PYY: variants seen among roughly 807,000 people sequenced by gnomAD.
The protein encoded by PYY is peptide tyrosine tyrosine.
A neutral mutation model predicts 10.3 loss-of-function variants in PYY; 12 were observed. The observed-to-expected ratio is 1.17, with a 90% CI of 0.75 to 1.89. The LOEUF (loss-of-function observed/expected upper bound fraction) is 1.89. Among genes scored for constraint, PYY ranks in the 40% most tolerant of loss-of-function variants. The probability of loss-of-function intolerance (pLI) is 0.00; values close to 1 mark genes in which losing one functional copy is unlikely to be tolerated. For missense variants in PYY, 141 were observed against 134.0 expected, an observed-to-expected ratio of 1.05 and a Z score of -0.26; for synonymous variants, 66 against 62.0, an observed-to-expected ratio of 1.06 and a Z score of -0.30.
chr17:43,977,312 G>A (rs2048855686), intron 1 of PYY, among the ~76,000 whole-genome samples: 1 of 152,250 alleles, frequency 6.6e-6, no homozygotes, highest in African/African-American at 2.4e-5. Flanking sequence ...TCAGAGAGGA[G>A]GGTGGAAGGT....
rs930435730 is a variant in PYY at position 43,953,151 on chromosome 17, T to C, written c.227A>G (p.Lys76Arg). 1 of 1,613,854 alleles carries C rather than the reference T, an allele frequency of 6.2e-7. No homozygotes were observed. Among genetic ancestry groups the C allele is most frequent in the Non-Finnish European group, 8.5e-7 (1 of 1,179,886 alleles). The stretch of plus-strand genomic sequence containing the variant: ...GTCCTCGCCGTCGGGGAAGAACGTT[T>C]TGGAAAGAAGCGTGTCCGGGCCGTC... Reference protein sequence around the residue: ...KRDGPDTLLSKTFFPDGEDRP... With the variant: ...KRDGPDTLLSRTFFPDGEDRP... The change falls in exon 3 of 4, where the codon AAA (lysine) becomes AGA (arginine). Residue 76 changes from lysine to arginine, a missense_variant. By Grantham distance (26) the Lys-to-Arg change is conservative. Transcript: ENST00000692052.
In PYY at chr17:43,974,152, C is replaced by T. The variant is rs1316935590; in HGVS notation, c.-462-7620G>A. On this transcript the variant is annotated intron_variant, in intron 1 of 6. Coordinates refer to the PYY transcript ENST00000360085. ...TTATATCATTTGCTTATTATATCTA[C>T]ATTGCCATTTACATGGGATAAAGGT... Among the ~76,000 whole-genome samples the T allele has an allele frequency of 3.3e-5, 5 of 152,178 alleles. No individual in the cohort carries two copies. The East Asian group carries it at 5.8e-4, about 18-fold the overall frequency.
At chr17:43,988,685 G>C (rs1030925966) in intron 1 of PYY, among the ~76,000 whole-genome samples, 1 of 151,846 alleles carries the variant, frequency 6.6e-6, no homozygotes, top group African/African-American at 2.4e-5. Flanking sequence ...ACACAAAGTA[G>C]AACTCAATAA....
At chr17:43,965,879 A>AT (rs1337818304) in intron 2 of PYY, among the ~76,000 whole-genome samples, 1 of 147,692 alleles carries the variant, frequency 6.8e-6, no homozygotes, top group Non-Finnish European at 1.5e-5. Context: ...ACAAAAAATG[A>AT]TTTTTTCCTG....
intron 1 of PYY, among the ~76,000 whole-genome samples, chr17:43,989,996 CT>C (rs1282880987): frequency 1.3e-5 from 2 of 149,408 alleles, no homozygotes; most frequent in African/African-American, 4.9e-5. Flanking sequence ...ACATTGGCAA[CT>C]AAAAAAGGCA....
intron 1 of PYY, among the ~76,000 whole-genome samples, chr17:43,980,492 T>TG (rs2048877217): frequency 6.6e-6 from 1 of 151,370 alleles, no homozygotes; most frequent in Admixed American, 6.6e-5. Context: ...TTGTTTTTTT[T>TG]GAGACAGGGT....
chr17:43,990,895 G>A (rs960284595), intron 1 of PYY, among the ~76,000 whole-genome samples: 6 of 147,840 alleles, frequency 4.1e-5, no homozygotes, highest in African/African-American at 1.5e-4. Flanking sequence ...CCGGGTTCAC[G>A]CCATTCTCCT....
upstream of PYY, among the ~76,000 whole-genome samples, chr17:43,957,345 A>G (rs755404272): frequency 6.6e-6 from 1 of 152,060 alleles, no homozygotes; most frequent in Non-Finnish European, 1.5e-5. Context: ...TTCTAGTGAC[A>G]GGAAATAGAA....
intron 1 of PYY, among the ~76,000 whole-genome samples, chr17:43,980,518 A>G (rs1406516354): frequency 6.6e-6 from 1 of 151,756 alleles, no homozygotes; most frequent in Non-Finnish European, 1.5e-5. Context: ...TCTGTCACCC[A>G]GGCTGGAGCG....
rs929591360 is a variant in PYY, at chr17:43,953,266, C to T, written c.188+30G>A. 5.6e-6 allele frequency: 9 copies of T among 1,607,766 alleles called. No individual in the cohort carries two copies. The African/African-American group carries it at 1.1e-4, about 19-fold the overall frequency. The stretch of plus-strand genomic sequence containing the variant: ...GGAGCGGGGCCGCAGGGTGAGAGCC[C>T]CAGGGGTCCCGCTCCGCGCCTGCGC... On this transcript the variant is annotated intron_variant, in intron 2 of 3. Coordinates refer to ENST00000692052, the MANE Select transcript of PYY (RefSeq NM_001394028.1).
At chr17:43,984,699 G>A (rs564372370) in intron 1 of PYY, among the ~76,000 whole-genome samples, 23 of 152,306 alleles carry the variant, frequency 1.5e-4, no homozygotes, top group African/African-American at 5.3e-4. Context: ...ATAAAGGGAC[G>A]CAGCCTGGAA....
At chr17:43,963,570 A>AAAAGAAAGAAAGAAAGAAAGAAAGAAAG (rs1162426873) in intron 2 of PYY, among the ~76,000 whole-genome samples, 13 of 104,648 alleles carry the variant, frequency 1.2e-4, no homozygotes, top group East Asian at 7.0e-4. Context: ...GGAAGGAAGG[A>AAAAGAAAGAAAGAAAGAAAGAAAGAAAG]AAAGAAAGAA....
chr17:43,982,345 A>AGT (rs2048888956), intron 1 of PYY, among the ~76,000 whole-genome samples: 1 of 152,246 alleles, frequency 6.6e-6, no homozygotes, highest in African/African-American at 2.4e-5. Context: ...TGAGTCAGTG[A>AGT]GTGTGCTTCC....
At chr17:43,994,573 T>C (rs578038716) in intron 1 of PYY, among the ~76,000 whole-genome samples, 1 of 152,284 alleles carries the variant, frequency 6.6e-6, no homozygotes, top group East Asian at 1.9e-4. Context: ...AGGCTAGGAC[T>C]CGAACCTCGC....
rs371822760 is a variant in PYY at position 43,983,438 on chromosome 17, A to C, written c.-462-16906T>G. On this transcript the variant is annotated intron_variant, in intron 1 of 6. Transcript: ENST00000360085. Reference sequence around the variant, plus strand: ...CTGGGGCCTGCTCAGTGCCCCAAAGACCCAGTCCTGCTGAGAACGGGAAGC... The same window carrying C: ...CTGGGGCCTGCTCAGTGCCCCAAAGCCCCAGTCCTGCTGAGAACGGGAAGC... Among the ~76,000 whole-genome samples the C allele has an allele frequency of 1.2e-4, 19 of 152,212 alleles. 1 individual carries two copies. The highest frequency in any genetic ancestry group is 4.6e-4 in the African/African-American group (19 of 41,550).
At chr17:43,981,522 C>T (rs1280395576) in intron 1 of PYY, among the ~76,000 whole-genome samples, 1 of 152,008 alleles carries the variant, frequency 6.6e-6, no homozygotes, top group East Asian at 1.9e-4. Flanking sequence ...GACAGTCTCA[C>T]TCTGTCGCCC....
intron 1 of PYY, among the ~76,000 whole-genome samples, chr17:43,995,671 T>C (rs559057053): frequency 6.6e-6 from 1 of 151,006 alleles, no homozygotes; most frequent in African/African-American, 2.4e-5. Context: ...CCGTCTCTAC[T>C]AAAAATACAA....
chr17:43,985,476 T>G (rs1465442745), intron 1 of PYY, among the ~76,000 whole-genome samples: 1 of 152,192 alleles, frequency 6.6e-6, no homozygotes, highest in Non-Finnish European at 1.5e-5. Flanking sequence ...CCTCCCAAAG[T>G]GTAGCCACAG....
At chr17:44,003,114 C>T (rs2049041294) in intron 1 of PYY, among the ~76,000 whole-genome samples, 1 of 152,056 alleles carries the variant, frequency 6.6e-6, no homozygotes, top group Non-Finnish European at 1.5e-5. Context: ...CTCAGTTCAC[C>T]GCAATCTCCT....
Sources: gnomAD v4.1 joint callset for allele counts (sites outside exome capture counted in the v4.1 genomes callset) on GRCh38, gnomAD v4.1.1 for gene constraint, MANE v1.5 for transcripts, NCBI Gene and HGNC (gene_info 2026-07-23, HGNC 2026-07-21) for gene names.